GRID2: variants seen among roughly 807,000 people sequenced by gnomAD.
GRID2 encodes glutamate receptor ionotropic, delta-2.
A neutral mutation model predicts 114.8 loss-of-function variants in GRID2; 33 were observed. That is an observed-to-expected ratio of 0.29 (90% CI 0.22 to 0.38). GRID2 has a LOEUF of 0.38. Among genes scored for constraint, GRID2 ranks in the 10% least tolerant of loss-of-function variants. The probability of loss-of-function intolerance (pLI) is 1.00; values close to 1 mark genes in which losing one functional copy is unlikely to be tolerated. For missense variants in GRID2, 1,184 were observed against 1,257.7 expected (o/e 0.94, Z 0.89); for synonymous variants, 505 against 449.9 (o/e 1.12, Z -1.55).
In GRID2 at chr4:93,774,120, A is replaced by G. The variant is rs1734284828; in HGVS notation, c.*1622A>G. 1 of 152,082 alleles carries G rather than the reference A, an allele frequency of 6.6e-6. No homozygotes were observed. Among genetic ancestry groups the G allele is most frequent in the Non-Finnish European group, 1.5e-5 (1 of 67,970 alleles). 9.4% of individuals were successfully genotyped at this position (152,082 alleles called of 1,614,324 possible). ...AAATTAAAAGGTATATTCTTAAGATATATTATATTTTGATGCTAATTCTGT... is the reference window on the plus strand; with the variant it reads ...AAATTAAAAGGTATATTCTTAAGATGTATTATATTTTGATGCTAATTCTGT... On this transcript the variant is annotated 3_prime_UTR_variant, in exon 16 of 16. Coordinates refer to ENST00000282020, the MANE Select transcript of GRID2 (RefSeq NM_001510.4).
chr4:93,156,665 A>G (rs1045175026), intron 4 of GRID2, among the ~76,000 whole-genome samples: 6 of 151,760 alleles, frequency 4.0e-5, no homozygotes, highest in African/African-American at 1.4e-4. Context: ...GCAAGGGTGG[A>G]AATGGGTGGG....
intron 2 of GRID2, among the ~76,000 whole-genome samples, chr4:92,679,104 A>T (rs1286425158): frequency 6.6e-6 from 1 of 152,006 alleles, no homozygotes; most frequent in African/African-American, 2.4e-5. Context: ...ATCTATTTTC[A>T]GAACTCTTCT....
intron 1 of GRID2, among the ~76,000 whole-genome samples, chr4:92,352,428 G>A (rs578236984): frequency 6.4e-4 from 97 of 151,598 alleles, no homozygotes; most frequent in African/African-American, 2.0e-3. Flanking sequence ...TCCCTTGTCA[G>A]GTGAATAGTT....
At chr4:92,949,439 C>A (rs992400864) in intron 2 of GRID2, among the ~76,000 whole-genome samples, 1 of 151,880 alleles carries the variant, frequency 6.6e-6, no homozygotes, top group African/African-American at 2.4e-5. Context: ...TTAGGCATAT[C>A]TCCAAAATGG....
At chr4:92,699,854 T>C (rs1423047942) in intron 2 of GRID2, among the ~76,000 whole-genome samples, 2 of 152,176 alleles carry the variant, frequency 1.3e-5, no homozygotes, top group African/African-American at 2.4e-5. Context: ...TTTGGATTAA[T>C]AAAAGCCCTT....
At chr4:93,135,998 A>G (rs1220033698) in intron 4 of GRID2, among the ~76,000 whole-genome samples, 2 of 152,210 alleles carry the variant, frequency 1.3e-5, no homozygotes, top group East Asian at 1.9e-4. Context: ...ATCTTGTAAT[A>G]CAAACTATAT....
At position 93,478,651 on chromosome 4, in the gene GRID2, T is replaced by C. The variant is rs948108565; in HGVS notation, c.1859-11988T>C. Among the ~76,000 whole-genome samples, 16 of 151,874 alleles carry C rather than the reference T, an allele frequency of 1.1e-4. 1 individual carries two copies. The highest frequency in any genetic ancestry group is 6.6e-4 in the Admixed American group (10 of 15,198). On this transcript the variant is annotated intron_variant, in intron 11 of 15. Coordinates refer to ENST00000282020, the MANE Select transcript of GRID2 (RefSeq NM_001510.4). ...AAATTAACATTATGTTAATGTTAAGTATAAACATTTTATATTTTAACTGTT... is the reference window on the plus strand; with the variant it reads ...AAATTAACATTATGTTAATGTTAAGCATAAACATTTTATATTTTAACTGTT...
At chr4:93,376,072 A>C (rs948264074) in intron 8 of GRID2, among the ~76,000 whole-genome samples, 2 of 152,136 alleles carry the variant, frequency 1.3e-5, no homozygotes, top group African/African-American at 4.8e-5. Flanking sequence ...TAACTACAAC[A>C]GTCTGATTAG....
intron 13 of GRID2, among the ~76,000 whole-genome samples, chr4:93,553,146 C>G (rs773194925): frequency 6.6e-6 from 1 of 152,064 alleles, no homozygotes; most frequent in Non-Finnish European, 1.5e-5. Flanking sequence ...GGGTATATAC[C>G]CAGTAATGGG....
At chr4:92,904,227 A>G (rs930086324) in intron 2 of GRID2, among the ~76,000 whole-genome samples, 3 of 151,356 alleles carry the variant, frequency 2.0e-5, no homozygotes, top group Non-Finnish European at 3.0e-5. Context: ...TATCATTTTA[A>G]TGACTCCTGT....
At chr4:93,314,429 A>G (rs1455547601) in intron 8 of GRID2, among the ~76,000 whole-genome samples, 1 of 151,824 alleles carries the variant, frequency 6.6e-6, no homozygotes, top group Admixed American at 6.6e-5. Flanking sequence ...TTTCCTACAC[A>G]TTGTATTCCA....
Position 93,619,691 on chromosome 4 carries a change from G to A in GRID2, c.2194-6578G>A, listed in dbSNP as rs574607543. 5.3e-5 allele frequency among the ~76,000 whole-genome samples: 8 copies of A among 152,298 alleles called. No homozygotes were observed. The South Asian group carries it at 1.4e-3, about 28-fold the overall frequency. ...AATGGCTACAAAATCAACAGGCCTC[G>A]AGGGTCCAGAGTCATATAAACCAAA... is the stretch of plus-strand genomic sequence containing the variant. On this transcript the variant is annotated intron_variant, in intron 13 of 15. Transcript: ENST00000282020.
intron 4 of GRID2, among the ~76,000 whole-genome samples, chr4:93,182,616 C>T (rs1388662571): frequency 6.6e-6 from 1 of 152,140 alleles, no homozygotes; most frequent in East Asian, 1.9e-4. Context: ...TGCCTACAGG[C>T]ATATTTTTCA....
chr4:92,852,714 T>C (rs1743911924), intron 2 of GRID2, among the ~76,000 whole-genome samples: 1 of 151,846 alleles, frequency 6.6e-6, no homozygotes, highest in Non-Finnish European at 1.5e-5. Flanking sequence ...ACACCATTTT[T>C]CCTGTAGCTC....
At chr4:93,807,761 C>T (rs1279827846) in exon 2 of GRID2, 3 of 152,146 alleles carry the variant, frequency 2.0e-5, no homozygotes, top group African/African-American at 7.2e-5. Context: ...TATGAAATAT[C>T]CCAGCCCCTC....
At chr4:92,852,407 C>T (rs1019807182) in intron 2 of GRID2, among the ~76,000 whole-genome samples, 2 of 151,898 alleles carry the variant, frequency 1.3e-5, no homozygotes, top group Admixed American at 1.3e-4. Context: ...GCTCCTTTCC[C>T]TCAGATAGGC....
intron 8 of GRID2, among the ~76,000 whole-genome samples, chr4:93,353,641 G>A (rs990595218): frequency 6.6e-6 from 1 of 151,886 alleles, no homozygotes; most frequent in East Asian, 1.9e-4. Context: ...GATAATGGAA[G>A]AATAATATAG....
At chr4:93,646,810 T>C (rs1722155263) in intron 14 of GRID2, among the ~76,000 whole-genome samples, 1 of 152,088 alleles carries the variant, frequency 6.6e-6, no homozygotes, top group South Asian at 2.1e-4. Context: ...TGTTTGGATG[T>C]TATATGATGG....
chr4:92,480,020 G>A (rs547072654), intron 1 of GRID2, among the ~76,000 whole-genome samples: 1 of 152,164 alleles, frequency 6.6e-6, no homozygotes, highest in East Asian at 1.9e-4. Flanking sequence ...TGCATAATGA[G>A]TATTATTATT....
Sources: gnomAD v4.1 joint callset for allele counts (sites outside exome capture counted in the v4.1 genomes callset) on GRCh38, gnomAD v4.1.1 for gene constraint, MANE v1.5 for transcripts, NCBI Gene and HGNC (gene_info 2026-07-23, HGNC 2026-07-21) for gene names.